Variants in SLC6A6 observed in about 807,000 individuals in gnomAD.
SLC6A6 encodes solute carrier family 6 member 6, also known as sodium- and chloride-dependent taurine transporter.
A neutral mutation model predicts 68.8 loss-of-function variants in SLC6A6; 16 were observed. That is an observed-to-expected ratio of 0.23 (90% confidence interval 0.16 to 0.35). The LOEUF (loss-of-function observed/expected upper bound fraction) is 0.35, where lower values mean the gene tolerates loss of function less well. SLC6A6 is among the 10% of genes least tolerant of loss of function. The probability of loss-of-function intolerance (pLI) is 1.00; values close to 1 mark genes in which losing one functional copy is unlikely to be tolerated. For missense variants in SLC6A6, 474 were observed against 802.8 expected (o/e 0.59, Z 4.95); for synonymous variants, 312 against 315.4 (o/e 0.99, Z 0.12).
intron 9 of SLC6A6, among the ~76,000 whole-genome samples, chr3:14,470,915 A>G (rs1476720906): frequency 6.6e-6 from 1 of 152,140 alleles, no homozygotes; most frequent in Non-Finnish European, 1.5e-5. Context: ...GTCGCTGCCC[A>G]AGGATATATT....
chr3:14,454,574 T>C (rs1256435871), intron 5 of SLC6A6, among the ~76,000 whole-genome samples: 1 of 152,174 alleles, frequency 6.6e-6, no homozygotes, highest in Non-Finnish European at 1.5e-5. Flanking sequence ...TCGGTTGCTC[T>C]GGCCCTGAGC....
chr3:14,484,183 C>G (rs1325937368), intron 14 of SLC6A6, among the ~76,000 whole-genome samples: 2 of 152,118 alleles, frequency 1.3e-5, no homozygotes, highest in East Asian at 3.9e-4. Flanking sequence ...TCTGGGTATC[C>G]TTGGAGAGGG....
At chr3:14,471,101 T>A (rs1574961197) in intron 9 of SLC6A6, among the ~76,000 whole-genome samples, 1 of 151,776 alleles carries the variant, frequency 6.6e-6, no homozygotes, top group East Asian at 1.9e-4. Context: ...CAGCTCCTGC[T>A]CTGGCCCTTT....
At chr3:14,410,218 C>T (rs1055607607) in intron 1 of SLC6A6, among the ~76,000 whole-genome samples, 3 of 150,626 alleles carry the variant, frequency 2.0e-5, no homozygotes, top group Non-Finnish European at 3.0e-5. Flanking sequence ...ACAGATGTGG[C>T]TCCCTGTGCT....
chr3:14,471,130 C>CTTTTTTTTTTTTTTTTTTTTTTTTGT (rs754511089), intron 9 of SLC6A6, among the ~76,000 whole-genome samples: 2 of 83,124 alleles, frequency 2.4e-5, no homozygotes, highest in Non-Finnish European at 4.5e-5. Context: ...TGCTTCTTGA[C>CTTTTTTTTTTTTTTTTTTTTTTTTGT]TTTTTTTTTT....
rs1382967359 is a variant in SLC6A6, at chr3:14,481,431, T to C, written c.1552-240T>C. Among the ~76,000 whole-genome samples, 2 of 150,572 alleles carry C rather than the reference T, an allele frequency of 1.3e-5. No homozygotes were observed. The highest frequency in any genetic ancestry group is 3.0e-5 in the Non-Finnish European group (2 of 67,568). On this transcript the variant is annotated intron_variant, in intron 13 of 14. Coordinates refer to ENST00000622186, the MANE Select transcript of SLC6A6 (RefSeq NM_003043.6). The surrounding 1 kb of genome is among the most constrained non-coding windows in gnomAD (Gnocchi z 4.7). ...TGACACTCCCGGCTGCACCGAGGAGTTTGGGCTGCATCTGCTGGCACTGGG... is the reference window on the plus strand; with the variant it reads ...TGACACTCCCGGCTGCACCGAGGAGCTTGGGCTGCATCTGCTGGCACTGGG...
chr3:14,432,115 C>A (rs1222211229), intron 2 of SLC6A6, among the ~76,000 whole-genome samples: 2 of 152,206 alleles, frequency 1.3e-5, no homozygotes, highest in Non-Finnish European at 2.9e-5. Context: ...TCACTGGGGC[C>A]TGTATCCTTC....
chr3:14,483,963 G>C (rs1701074941), intron 14 of SLC6A6, among the ~76,000 whole-genome samples: 1 of 152,020 alleles, frequency 6.6e-6, no homozygotes, highest in Admixed American at 6.6e-5. Flanking sequence ...CCGAAAACTG[G>C]GTTTTTAAAT....
intron 5 of SLC6A6, among the ~76,000 whole-genome samples, chr3:14,452,259 A>G (rs1174105034): frequency 6.6e-6 from 1 of 152,194 alleles, no homozygotes; most frequent in African/African-American, 2.4e-5. Flanking sequence ...ACCTTGAGGC[A>G]GTGACCTCAC....
intron 4 of SLC6A6, among the ~76,000 whole-genome samples, chr3:14,446,335 T>C (rs1225441434): frequency 6.6e-6 from 1 of 152,202 alleles, no homozygotes; most frequent in East Asian, 1.9e-4. Flanking sequence ...TACCACGTAT[T>C]CTTGCTTATA....
In SLC6A6 at chr3:14,447,878, T is replaced by G; in HGVS notation, c.599+62T>G. 2.5e-6 allele frequency: 4 copies of G among 1,588,518 alleles called. No individual in the cohort carries two copies. In the East Asian group the frequency reaches 6.8e-5, roughly 27 times the overall value. ...GGTGGGGCAGAGAGGATGGCCCACT[T>G]CCTTATCTCCTCCCCTGGGATACAG... On this transcript the variant is annotated intron_variant, in intron 5 of 14. Coordinates refer to ENST00000622186, the MANE Select transcript of SLC6A6 (RefSeq NM_003043.6).
At chr3:14,436,863 G>A (rs184767956) in intron 2 of SLC6A6, among the ~76,000 whole-genome samples, 18 of 152,266 alleles carry the variant, frequency 1.2e-4, no homozygotes, top group Admixed American at 2.6e-4. Flanking sequence ...CCTGAGCCCC[G>A]TCTCCATCAT....
Position 14,468,134 on chromosome 3 carries a change from T to C in SLC6A6, c.1018T>C (p.Ser340Pro). 1 of 1,614,150 alleles carries C rather than the reference T, an allele frequency of 6.2e-7. No individual in the cohort carries two copies. The highest frequency in any genetic ancestry group is 8.5e-7 in the Non-Finnish European group (1 of 1,180,014). ...CCTGAACAGTGGTACCAGTTTTGTG[T>C]CTGGCTTCGCAATTTTTTCCATCCT... Reference protein sequence around the residue: ...GCLNSGTSFVSGFAIFSILGF... With the variant: ...GCLNSGTSFVPGFAIFSILGF... The change falls in exon 9 of 15, where the codon TCT becomes CCT. Residue 340 changes from serine (S) to proline (P), a missense_variant. Coordinates refer to ENST00000622186, the MANE Select transcript of SLC6A6 (RefSeq NM_003043.6). This position sits in a 1 kb window ranked among gnomAD's most constrained non-coding sequence, Gnocchi z 4.5.
chr3:14,405,956 G>A (rs1490654994), intron 1 of SLC6A6, among the ~76,000 whole-genome samples: 5 of 152,116 alleles, frequency 3.3e-5, no homozygotes, highest in Non-Finnish European at 7.4e-5. Context: ...GTGAGGGTGG[G>A]GTAGTGGGCA....
At chr3:14,452,554 A>G (rs1700277537) in intron 5 of SLC6A6, among the ~76,000 whole-genome samples, 1 of 152,188 alleles carries the variant, frequency 6.6e-6, no homozygotes, top group South Asian at 2.1e-4. Context: ...TTGGGAGCCC[A>G]AGTCCATGGT....
At chr3:14,439,546 TC>T in intron 2 of SLC6A6, among the ~76,000 whole-genome samples, 1 of 152,340 alleles carries the variant, frequency 6.6e-6, no homozygotes, top group African/African-American at 2.4e-5. Flanking sequence ...AGAGGCTTCA[TC>T]CCATAGCCTC....
chr3:14,450,232 C>A lies in SLC6A6; in HGVS notation c.599+2416C>A, dbSNP rs1033751026. On this transcript the variant is annotated intron_variant, in intron 5 of 14. Coordinates refer to ENST00000622186, the MANE Select transcript of SLC6A6 (RefSeq NM_003043.6). This position sits in a 1 kb window ranked among gnomAD's most constrained non-coding sequence, Gnocchi z 4.1. ...GTCTTAGAGAGGGAACACTTGGGAG[C>A]AATGTGAGGTCCTCAGGTTGGCCAG... 2.6e-5 allele frequency among the ~76,000 whole-genome samples: 4 copies of A among 152,022 alleles called. No homozygotes were observed. The highest frequency in any genetic ancestry group is 7.3e-5 in the African/African-American group (3 of 41,360).
At position 14,468,700 on chromosome 3, in the gene SLC6A6, G is replaced by A. The variant is rs1700683125; in HGVS notation, c.1096+488G>A. Among the ~76,000 whole-genome samples, 1 of 152,118 alleles carries A rather than the reference G, an allele frequency of 6.6e-6. No individual in the cohort carries two copies. The highest frequency in any genetic ancestry group is 6.5e-5 in the Admixed American group (1 of 15,278). ...TGAATGAGTCCCAACTCTGTGTCAGGCACCACCGTAGGCACTGGGTGCAGT... is the reference window on the plus strand; with the variant it reads ...TGAATGAGTCCCAACTCTGTGTCAGACACCACCGTAGGCACTGGGTGCAGT... On this transcript the variant is annotated intron_variant, in intron 9 of 14. Transcript: ENST00000622186. This position sits in a 1 kb window ranked among gnomAD's most constrained non-coding sequence, Gnocchi z 4.5.
intron 1 of SLC6A6, among the ~76,000 whole-genome samples, chr3:14,409,042 T>C (rs7650618): frequency 0.59 from 89,103 of 152,128 alleles, 27,517 homozygotes; most frequent in African/African-American, 0.79. Flanking sequence ...TCTCCTGACC[T>C]GGTGATCTGC....
Sources: gnomAD v4.1 joint callset for allele counts (sites outside exome capture counted in the v4.1 genomes callset) on GRCh38, gnomAD v4.1.1 for gene constraint, Gnocchi (gnomAD v3.1) non-coding constraint, MANE v1.5 for transcripts, NCBI Gene and HGNC (gene_info 2026-07-23, HGNC 2026-07-21) for gene names.